DHRS12: variants seen among roughly 807,000 people sequenced by gnomAD.
DHRS12 encodes dehydrogenase/reductase SDR family member 12.
In DHRS12, 29 loss-of-function variants were observed where a neutral mutation model predicts 32.1. The ratio of observed to expected loss-of-function variants is 0.90; its 90% CI spans 0.67 to 1.23. DHRS12 has a LOEUF of 1.23. Ranked by LOEUF, DHRS12 falls within the 50% of genes most tolerant of loss-of-function variation. The pLI is 0.00. For missense variants in DHRS12, 330 were observed against 337.2 expected (o/e 0.98, Z 0.17); for synonymous variants, 150 against 135.9 (o/e 1.10, Z -0.72).
Position 51,791,231 on chromosome 13 carries a change from C to G in DHRS12, c.153G>C (p.Leu51Phe). 1 of 1,534,450 alleles carries G rather than the reference C, an allele frequency of 6.5e-7. No individual in the cohort carries two copies. The highest frequency in any genetic ancestry group is 1.2e-5 in the South Asian group (1 of 80,392). ...SENIFLHIVDLSDPKQIWKFV... is the reference protein window; with the variant it reads ...SENIFLHIVDFSDPKQIWKFV... The stretch of plus-strand genomic sequence containing the variant: ...ATTTCCAGATTTGCTTGGGATCAGA[C>G]AAGTCCACAATGTGCAGAAAAATGT... The change falls in exon 3 of 9, where the codon TTG (leucine) becomes TTC (phenylalanine). Residue 51 changes from leucine (L) to phenylalanine (F), a missense_variant. By Grantham distance (22) the Leu-to-Phe change is conservative. Transcript: ENST00000444610.
intron 4 of DHRS12, among the ~76,000 whole-genome samples, chr13:51,788,048 G>A (rs1259509505): frequency 2.0e-5 from 3 of 150,388 alleles, no homozygotes; most frequent in African/African-American, 7.4e-5. Context: ...GCAAGAGCTG[G>A]CTTCATCCTG....
intron 4 of DHRS12, among the ~76,000 whole-genome samples, chr13:51,787,716 T>C (rs969531846): frequency 7.2e-6 from 1 of 138,564 alleles, no homozygotes; most frequent in Non-Finnish European, 1.5e-5. Flanking sequence ...ATATAATTTA[T>C]ATAAAACATA....
At chr13:51,802,731 T>C (rs1244889324) in intron 1 of DHRS12, among the ~76,000 whole-genome samples, 4 of 151,964 alleles carry the variant, frequency 2.6e-5, no homozygotes, top group Non-Finnish European at 5.9e-5. Context: ...CAAAACAAGG[T>C]TGTTGTTTTT....
chr13:51,767,560 C>CAA (rs1478463283), downstream of DHRS12: 1 of 152,672 alleles, frequency 6.5e-6, no homozygotes, highest in Non-Finnish European at 1.5e-5. Context: ...GGTTTTATTA[C>CAA]AACTTTTCCT....
intron 4 of DHRS12, 41 bp from the exon 5 acceptor site, chr13:51,777,162 G>A (rs1261379051): frequency 1.2e-6 from 2 of 1,611,600 alleles, no homozygotes; most frequent in Admixed American, 1.7e-5. Context: ...GCTGCAGGAA[G>A]CCCCAACTCA....
chr13:51,781,948 T>C (rs754130123), intron 4 of DHRS12, among the ~76,000 whole-genome samples: 2 of 152,132 alleles, frequency 1.3e-5, no homozygotes, highest in Admixed American at 6.5e-5. Flanking sequence ...TACATCACAG[T>C]GACTGCAGTG....
At chr13:51,759,496 A>T in the DHRS12 span, among the ~76,000 whole-genome samples, 1 of 152,238 alleles carries the variant, frequency 6.6e-6, no homozygotes. Context: ...CTCAGCCATT[A>T]ATAGATTGAA....
chr13:51,757,752 G>A, the DHRS12 span, among the ~76,000 whole-genome samples: 1 of 151,134 alleles, frequency 6.6e-6, no homozygotes, highest in East Asian at 1.9e-4. Flanking sequence ...CAGTGAAAAA[G>A]GAAAAATGAA....
intron 4 of DHRS12, among the ~76,000 whole-genome samples, chr13:51,785,097 GTGTACC>G (rs1441442782): frequency 6.6e-6 from 1 of 152,084 alleles, no homozygotes; most frequent in Non-Finnish European, 1.5e-5. Flanking sequence ...ATGTGGTGGC[GTGTACC>G]TGTAATCCCA....
At chr13:51,756,778 G>T in the DHRS12 span, 1 of 438,108 alleles carries the variant, frequency 2.3e-6, no homozygotes, top group Non-Finnish European at 3.0e-6. Context: ...AGGAGTATAA[G>T]GGCTCAGGAT....
intron 8 of DHRS12, chr13:51,768,865 A>C: frequency 7.3e-7 from 1 of 1,360,604 alleles, no homozygotes; most frequent in South Asian, 1.7e-5. Context: ...CCTGGGCCTC[A>C]GCAAACTGCA....
At chr13:51,797,206 G>A (rs1177507685) in intron 2 of DHRS12, among the ~76,000 whole-genome samples, 1 of 152,166 alleles carries the variant, frequency 6.6e-6, no homozygotes, top group Non-Finnish European at 1.5e-5. Flanking sequence ...AGCTGCACAC[G>A]CCCTGCGACT....
At chr13:51,783,299 C>T (rs1162986762) in intron 4 of DHRS12, among the ~76,000 whole-genome samples, 2 of 152,030 alleles carry the variant, frequency 1.3e-5, no homozygotes, top group Non-Finnish European at 2.9e-5. Flanking sequence ...AAATCTGCCC[C>T]CACCTCAAGC....
At chr13:51,758,710 G>A in the DHRS12 span, among the ~76,000 whole-genome samples, 1 of 152,152 alleles carries the variant, frequency 6.6e-6, no homozygotes, top group Non-Finnish European at 1.5e-5. Flanking sequence ...ACTTGGGACA[G>A]ACTAAAAAGA....
chr13:51,774,119 G>A, intron 5 of DHRS12, 85 bp from the exon 6 acceptor site: 1 of 1,304,284 alleles, frequency 7.7e-7, no homozygotes, highest in Non-Finnish European at 1.1e-6. Context: ...GCTTCTTGCT[G>A]TTGTGACCAA....
chr13:51,790,167 C>T (rs113029924), intron 3 of DHRS12, 75 bp from the exon 4 acceptor site: 6 of 1,109,186 alleles, frequency 5.4e-6, no homozygotes, highest in South Asian at 3.1e-5. Flanking sequence ...CACACCTCCA[C>T]TACCCCACCC....
At chr13:51,801,810 TC>T (rs1336714566) in intron 1 of DHRS12, among the ~76,000 whole-genome samples, 1 of 152,170 alleles carries the variant, frequency 6.6e-6, no homozygotes, top group East Asian at 1.9e-4. Flanking sequence ...AGAGCCCTTC[TC>T]CAGGGGCAGG....
chr13:51,796,685 T>C (rs1955525471), intron 2 of DHRS12, among the ~76,000 whole-genome samples: 1 of 152,208 alleles, frequency 6.6e-6, no homozygotes, highest in Non-Finnish European at 1.5e-5. Flanking sequence ...AGATTAGTAT[T>C]CTTGTTGCAT....
chr13:51,803,986 C>T, intron 1 of DHRS12, 68 bp downstream of exon 1: 2 of 1,359,300 alleles, frequency 1.5e-6, no homozygotes, highest in Admixed American at 3.5e-5. Flanking sequence ...CCCCGCCAAC[C>T]CTGCTCGCCC....
Sources: allele counts gnomAD v4.1 joint callset (sites outside exome capture counted in the v4.1 genomes callset), GRCh38; gene constraint gnomAD v4.1.1; transcripts MANE v1.5; gene names NCBI Gene and HGNC (gene_info 2026-07-23, HGNC 2026-07-21).